RANBP2: variants seen among roughly 807,000 people sequenced by gnomAD.
The protein encoded by RANBP2 is E3 SUMO-protein ligase RanBP2.
RANBP2 carries 57 observed loss-of-function variants against 303.6 expected under a neutral mutation model. The observed-to-expected ratio is 0.19, with a 90% confidence interval of 0.15 to 0.23. The LOEUF (loss-of-function observed/expected upper bound fraction) is 0.23. Ranked by LOEUF, RANBP2 falls within the 10% of genes least tolerant of loss-of-function variation. The probability of loss-of-function intolerance (pLI) is 1.00; values close to 1 mark genes in which losing one functional copy is unlikely to be tolerated. For synonymous variants in RANBP2, 1,167 were observed against 1,301.5 expected (o/e 0.90, Z 2.23); for missense variants, 3,138 against 3,780.8 (o/e 0.83, Z 4.46).
At chr2:109,609,133 C>T in the RANBP2 span, among the ~76,000 whole-genome samples, 2 of 152,194 alleles carry the variant, frequency 1.3e-5, no homozygotes, top group African/African-American at 2.4e-5. Context: ...AAGTATGACA[C>T]TATCAGTGTT....
chr2:109,717,192 TAGA>T, the RANBP2 span, among the ~76,000 whole-genome samples: 1 of 139,546 alleles, frequency 7.2e-6, no homozygotes, highest in South Asian at 2.2e-4. Context: ...GGCTGCAGGA[TAGA>T]AGATCAATAT....
At chr2:109,343,710 GC>G in the RANBP2 span, among the ~76,000 whole-genome samples, 5 of 151,066 alleles carry the variant, frequency 3.3e-5, no homozygotes, top group African/African-American at 1.2e-4. Flanking sequence ...TCTCCAGTCT[GC>G]CCCTGCTTCT....
At chr2:108,949,073 G>T in the RANBP2 span, among the ~76,000 whole-genome samples, 1 of 152,206 alleles carries the variant, frequency 6.6e-6, no homozygotes, top group African/African-American at 2.4e-5. Flanking sequence ...GACCTCCAGA[G>T]CTCAAGTGAT....
the RANBP2 span, among the ~76,000 whole-genome samples, chr2:109,696,305 A>G: frequency 1.3e-5 from 2 of 152,200 alleles, no homozygotes; most frequent in Admixed American, 1.3e-4. Context: ...CAGAAATTAT[A>G]TAGTTTTATA....
chr2:109,132,275 A>C, the RANBP2 span, among the ~76,000 whole-genome samples: 30,950 of 152,216 alleles, frequency 0.2, 3,912 homozygotes, highest in Middle Eastern at 0.36. Context: ...TATATAGGTA[A>C]GTATTGGCAT....
chr2:108,790,594 C>T (rs750363844), downstream of RANBP2, among the ~76,000 whole-genome samples: 17 of 152,026 alleles, frequency 1.1e-4, no homozygotes, highest in Non-Finnish European at 1.6e-4. Flanking sequence ...CCCAGCTACT[C>T]GGGAGGCTGA....
At chr2:109,172,147 C>T in the RANBP2 span, among the ~76,000 whole-genome samples, 7 of 152,170 alleles carry the variant, frequency 4.6e-5, no homozygotes, top group African/African-American at 7.2e-5. Context: ...GCAGGTCTCC[C>T]GGAGCCATCT....
chr2:109,189,482 C>T, the RANBP2 span, among the ~76,000 whole-genome samples: 1 of 151,528 alleles, frequency 6.6e-6, no homozygotes, highest in African/African-American at 2.4e-5. Context: ...AATTCTTTTG[C>T]CTCAACCTCC....
the RANBP2 span, chr2:108,804,748 C>T: frequency 3.3e-6 from 2 of 602,066 alleles, no homozygotes; most frequent in Non-Finnish European, 5.2e-6. Flanking sequence ...ACTTGCCACA[C>T]TAGTCACTTG....
the RANBP2 span, among the ~76,000 whole-genome samples, chr2:109,660,401 C>T: frequency 6.6e-6 from 1 of 152,238 alleles, no homozygotes; most frequent in Non-Finnish European, 1.5e-5. Flanking sequence ...GCATCCTGAT[C>T]CCACTCTGTG....
chr2:109,731,388 G>A, the RANBP2 span, among the ~76,000 whole-genome samples: 2 of 151,664 alleles, frequency 1.3e-5, no homozygotes, highest in Non-Finnish European at 2.9e-5. Context: ...TCAATTTTTA[G>A]TTTTTTAATT....
chr2:109,524,763 TAAATAA>T, the RANBP2 span, among the ~76,000 whole-genome samples: 1 of 151,598 alleles, frequency 6.6e-6, no homozygotes. Context: ...TATAAATAAA[TAAATAA>T]AAATTAAAAT....
chr2:109,249,587 T>TTCCTTC, the RANBP2 span, among the ~76,000 whole-genome samples: 1 of 135,906 alleles, frequency 7.4e-6, no homozygotes, highest in Non-Finnish European at 1.6e-5. Flanking sequence ...TTCCTTCCTT[T>TTCCTTC]CCTTTCTTTC....
chr2:109,471,754 A>G, the RANBP2 span, among the ~76,000 whole-genome samples: 5 of 152,206 alleles, frequency 3.3e-5, no homozygotes, highest in Non-Finnish European at 1.5e-5. Context: ...GACGGTCCCA[A>G]GAGCTTAGCC....
chr2:109,344,369 A>G, the RANBP2 span, among the ~76,000 whole-genome samples: 8 of 152,176 alleles, frequency 5.3e-5, no homozygotes, highest in East Asian at 3.9e-4. Context: ...AGGAAGTAGC[A>G]TGGAGCTCTG....
At chr2:109,710,312 G>A in the RANBP2 span, among the ~76,000 whole-genome samples, 2 of 151,592 alleles carry the variant, frequency 1.3e-5, no homozygotes. Flanking sequence ...AACCCAGGAG[G>A]CGGAGGTTGC....
downstream of RANBP2, chr2:108,786,794 C>T (rs764575365): frequency 5.8e-6 from 9 of 1,563,248 alleles, no homozygotes; most frequent in East Asian, 9.3e-5. Flanking sequence ...ACGCGGTTCC[C>T]GGGGAGACTG....
chr2:109,543,482 C>T, the RANBP2 span: 10 of 152,156 alleles, frequency 6.6e-5, no homozygotes, highest in African/African-American at 2.4e-4. Context: ...AAGATCATAT[C>T]ACCAATTGGG....
chr2:109,405,700 C>T, the RANBP2 span, among the ~76,000 whole-genome samples: 2 of 152,194 alleles, frequency 1.3e-5, no homozygotes, highest in Non-Finnish European at 2.9e-5. Context: ...TTTCTATGGC[C>T]CCATGTCACC....
Sources: allele counts gnomAD v4.1 joint callset (sites outside exome capture counted in the v4.1 genomes callset), GRCh38; gene constraint gnomAD v4.1.1; transcripts MANE v1.5; gene names NCBI Gene and HGNC (gene_info 2026-07-23, HGNC 2026-07-21).